Variants in KCNMA1 observed in about 807,000 individuals in gnomAD.
KCNMA1 encodes the protein potassium calcium-activated channel subfamily M alpha 1.
KCNMA1 carries 29 observed loss-of-function variants against 140.0 expected under a neutral mutation model. The observed-to-expected ratio is 0.21, with a 90% CI of 0.15 to 0.28. The LOEUF is 0.28. Ranked by LOEUF, KCNMA1 falls within the 10% of genes least tolerant of loss-of-function variation. The pLI, the probability that KCNMA1 is intolerant of heterozygous loss-of-function variation, is 1.00. For missense variants in KCNMA1, 880 were observed against 1,602.2 expected (o/e 0.55, Z 7.70); for synonymous variants, 612 against 611.9 (o/e 1.00, Z 0.00).
intron 1 of KCNMA1, among the ~76,000 whole-genome samples, chr10:77,494,324 G>A (rs1024166515): frequency 6.6e-6 from 1 of 152,220 alleles, no homozygotes; most frequent in African/African-American, 2.4e-5. Context: ...TAGGTACTTA[G>A]GACATTCCTA....
chr10:76,919,114 G>A (rs1446947607), intron 23 of KCNMA1, among the ~76,000 whole-genome samples: 1 of 152,158 alleles, frequency 6.6e-6, no homozygotes, highest in Non-Finnish European at 1.5e-5. Context: ...CTATGGAGAT[G>A]CAAAGGCATA....
intron 19 of KCNMA1, chr10:76,995,145 C>T (rs76257967): frequency 2.7e-4 from 43 of 158,954 alleles, no homozygotes; most frequent in Admixed American, 2.0e-3. Context: ...TCTCCAGCTC[C>T]GTGAGCCGCA....
At chr10:77,372,654 C>T (rs999836106) in intron 2 of KCNMA1, among the ~76,000 whole-genome samples, 1 of 152,200 alleles carries the variant, frequency 6.6e-6, no homozygotes, top group Non-Finnish European at 1.5e-5. Context: ...ATTGTGTGAT[C>T]TTCTTCCATG....
At chr10:77,443,643 G>GTGC (rs1192386944) in intron 1 of KCNMA1, among the ~76,000 whole-genome samples, 2 of 152,128 alleles carry the variant, frequency 1.3e-5, no homozygotes, top group Non-Finnish European at 2.9e-5. Context: ...TAGGTCAACT[G>GTGC]TGCTGTTTCC....
intron 20 of KCNMA1, among the ~76,000 whole-genome samples, chr10:76,967,991 A>T (rs1413569896): frequency 6.6e-6 from 1 of 152,144 alleles, no homozygotes; most frequent in African/African-American, 2.4e-5. Context: ...CAATCTGTTG[A>T]TCATTACTTA....
At chr10:77,135,663 A>G (rs956288456) in intron 5 of KCNMA1, among the ~76,000 whole-genome samples, 2 of 152,240 alleles carry the variant, frequency 1.3e-5, no homozygotes, top group African/African-American at 4.8e-5. Flanking sequence ...TTCAGCCAAG[A>G]AAAGAATAAA....
intron 2 of KCNMA1, among the ~76,000 whole-genome samples, chr10:77,295,429 G>T (rs1601591132): frequency 6.6e-6 from 1 of 151,866 alleles, no homozygotes; most frequent in Non-Finnish European, 1.5e-5. Context: ...ATATATGTGT[G>T]CACATACGCT....
intron 3 of KCNMA1, among the ~76,000 whole-genome samples, chr10:77,202,117 C>T (rs777496246): frequency 6.6e-6 from 1 of 152,118 alleles, no homozygotes; most frequent in Non-Finnish European, 1.5e-5. Flanking sequence ...GTGATATGTG[C>T]CTCTAAATGT....
intron 19 of KCNMA1, among the ~76,000 whole-genome samples, chr10:76,991,374 C>T (rs988307886): frequency 1.3e-5 from 2 of 152,188 alleles, no homozygotes; most frequent in African/African-American, 4.8e-5. Context: ...TCTTCTTTCC[C>T]ATAATTTATC....
intron 1 of KCNMA1, among the ~76,000 whole-genome samples, chr10:77,515,816 C>T (rs1473129117): frequency 6.6e-6 from 1 of 152,176 alleles, no homozygotes; most frequent in Non-Finnish European, 1.5e-5. Context: ...AGTGCCCCTC[C>T]CTCCAGCCCC....
intron 2 of KCNMA1, among the ~76,000 whole-genome samples, chr10:77,354,233 T>C (rs771167453): frequency 1.9e-4 from 29 of 152,354 alleles, no homozygotes; most frequent in Middle Eastern, 6.8e-3. Context: ...GACCTCGTGA[T>C]CTGCCTGCCT....
intron 19 of KCNMA1, chr10:76,970,931 C>A (rs950704480): frequency 6.6e-6 from 1 of 152,326 alleles, no homozygotes; most frequent in East Asian, 1.9e-4. Flanking sequence ...CACTTAGAAA[C>A]ACCACAGCAC....
At chr10:77,003,244 A>G (rs1217547129) in intron 18 of KCNMA1, among the ~76,000 whole-genome samples, 1 of 152,238 alleles carries the variant, frequency 6.6e-6, no homozygotes, top group East Asian at 1.9e-4. Context: ...TGTTGTTCAG[A>G]TCATCATGCA....
chr10:76,881,326 T>C (rs573580159), downstream of KCNMA1, among the ~76,000 whole-genome samples: 1 of 152,218 alleles, frequency 6.6e-6, no homozygotes, highest in Non-Finnish European at 1.5e-5. Context: ...GGGCTGATGA[T>C]ACAAACTTCC....
intron 2 of KCNMA1, among the ~76,000 whole-genome samples, chr10:77,343,066 G>A (rs1737019520): frequency 6.6e-6 from 1 of 152,082 alleles, no homozygotes; most frequent in African/African-American, 2.4e-5. Context: ...TGTCTCCTGG[G>A]CTTAAGGAAC....
intron 1 of KCNMA1, among the ~76,000 whole-genome samples, chr10:77,601,835 C>A (rs2082752844): frequency 6.6e-6 from 1 of 152,178 alleles, no homozygotes; most frequent in African/African-American, 2.4e-5. Flanking sequence ...AAGGATACAG[C>A]AAATTTTTTG....
At chr10:76,981,573 A>G (rs1190294603) in intron 19 of KCNMA1, among the ~76,000 whole-genome samples, 1 of 152,118 alleles carries the variant, frequency 6.6e-6, no homozygotes, top group Admixed American at 6.6e-5. Context: ...AGACAGAAGA[A>G]GGGGCAGAGG....
At chr10:77,286,553 C>T (rs534124162) in intron 2 of KCNMA1, among the ~76,000 whole-genome samples, 2 of 152,230 alleles carry the variant, frequency 1.3e-5, no homozygotes, top group South Asian at 4.1e-4. Context: ...TATGCATAAA[C>T]AGACAGTGTT....
At chr10:77,517,642 C>T (rs138329516) in intron 1 of KCNMA1, among the ~76,000 whole-genome samples, 11 of 152,266 alleles carry the variant, frequency 7.2e-5, no homozygotes, top group South Asian at 2.1e-4. Context: ...CTGAAGGGCC[C>T]GTGTTCTCAG....
Sources: allele counts gnomAD v4.1 joint callset (sites outside exome capture counted in the v4.1 genomes callset), GRCh38; gene constraint gnomAD v4.1.1; transcripts MANE v1.5; gene names NCBI Gene and HGNC (gene_info 2026-07-23, HGNC 2026-07-21).